DMD: variants seen among roughly 807,000 people sequenced by gnomAD.
DMD encodes mutant dystrophin.
A neutral mutation model predicts 330.1 loss-of-function variants in DMD; 63 were observed. That is an observed-to-expected ratio of 0.19 (90% confidence interval 0.16 to 0.24). The LOEUF is 0.24. Ranked by LOEUF, DMD falls within the 10% of genes least tolerant of loss-of-function variation. The pLI, the probability that DMD is intolerant of heterozygous loss-of-function variation, is 1.00. For missense variants in DMD, 3,344 were observed against 2,684.1 expected (o/e 1.25, Z -5.43); for synonymous variants, 1,223 against 959.8 (o/e 1.27, Z -5.07).
At chrX:32,423,610 T>C (rs753923461) in intron 29 of DMD, among the ~76,000 whole-genome samples, 2 of 110,791 alleles carry the variant, frequency 1.8e-5, no homozygotes, top group African/African-American at 6.5e-5. Flanking sequence ...TATATAATAT[T>C]TCGGAAAAGT....
At chrX:32,158,815 C>G (rs1445760147) in intron 44 of DMD, among the ~76,000 whole-genome samples, 1 of 112,004 alleles carries the variant, frequency 8.9e-6, no homozygotes, top group Non-Finnish European at 1.9e-5. Flanking sequence ...CTACCTACCC[C>G]TTATGCTCAC....
At position 32,405,541 on chromosome X, in the gene DMD, G is replaced by A. The variant is rs202238601; in HGVS notation, c.4233+6211C>T. On this transcript the variant is annotated intron_variant, in intron 30 of 78. Transcript: ENST00000357033. The stretch of plus-strand genomic sequence containing the variant: ...TTTCAATAAATCTTTTCTTAATTTT[G>A]TACTTTAATAAAATCTCTCATTAAA... 3.0e-4 allele frequency among the ~76,000 whole-genome samples: 33 copies of A among 110,896 alleles called. No individual in the cohort carries two copies. The Admixed American group carries it at 3.1e-3, about 10-fold the overall frequency.
intron 42 of DMD, among the ~76,000 whole-genome samples, chrX:32,295,016 CCTTAT>C (rs1303501964): frequency 2.0e-4 from 22 of 111,375 alleles, no homozygotes; most frequent in African/African-American, 6.5e-4. Context: ...CTGAATAGTT[CCTTAT>C]CTTATCTGAA....
chrX:32,827,463 T>C (rs750385208), intron 4 of DMD, among the ~76,000 whole-genome samples: 4 of 110,701 alleles, frequency 3.6e-5, no homozygotes, highest in South Asian at 3.9e-4. Flanking sequence ...CAGGAGTACA[T>C]GTGCAGGTTT....
intron 12 of DMD, among the ~76,000 whole-genome samples, chrX:32,606,761 A>C (rs1371731949): frequency 9.5e-6 from 1 of 104,974 alleles, no homozygotes; most frequent in African/African-American, 3.5e-5. Context: ...ACATACATAT[A>C]TATACACACA....
chrX:32,572,957 A>G (rs1300469804), intron 15 of DMD, among the ~76,000 whole-genome samples: 1 of 111,142 alleles, frequency 9.0e-6, no homozygotes, highest in Non-Finnish European at 1.9e-5. Context: ...TTGCAATGTG[A>G]TATACACTGG....
intron 4 of DMD, among the ~76,000 whole-genome samples, chrX:32,832,680 G>A (rs910762764): frequency 1.8e-4 from 20 of 111,757 alleles, no homozygotes; most frequent in African/African-American, 9.7e-5. Flanking sequence ...TCATTGCCCT[G>A]CAGCATGTGC....
At chrX:31,315,694 C>A (rs900808047) in intron 62 of DMD, among the ~76,000 whole-genome samples, 2 of 112,337 alleles carry the variant, frequency 1.8e-5, no homozygotes, top group African/African-American at 6.5e-5. Context: ...CCCATACACA[C>A]ATTAAATTTT....
chrX:33,202,550 G>A (rs2051337776), intron 1 of DMD, among the ~76,000 whole-genome samples: 1 of 111,856 alleles, frequency 8.9e-6, no homozygotes, highest in African/African-American at 3.2e-5. Flanking sequence ...ATCTAGAATA[G>A]TGCTATGCAC....
intron 13 of DMD, among the ~76,000 whole-genome samples, chrX:32,577,453 A>T (rs1374019814): frequency 8.9e-6 from 1 of 112,756 alleles, no homozygotes; most frequent in Admixed American, 9.4e-5. Flanking sequence ...TGTCTGTCGA[A>T]TAATAATACC....
chrX:33,027,579 C>T (rs1272050288), intron 1 of DMD, among the ~76,000 whole-genome samples: 2 of 112,475 alleles, frequency 1.8e-5, no homozygotes, highest in African/African-American at 3.2e-5. Context: ...TGTACTGACA[C>T]CTACTAGGTG....
intron 11 of DMD, among the ~76,000 whole-genome samples, chrX:32,630,670 G>A (rs774545366): frequency 4.5e-5 from 5 of 111,110 alleles, no homozygotes; most frequent in African/African-American, 1.6e-4. Flanking sequence ...ATTTTTGTTC[G>A]ATTCTTTTTA....
At chrX:32,761,505 T>C (rs1000851890) in intron 7 of DMD, among the ~76,000 whole-genome samples, 1 of 112,303 alleles carries the variant, frequency 8.9e-6, no homozygotes, top group Non-Finnish European at 1.9e-5. Flanking sequence ...TGATGATGAT[T>C]ATCTTTAAAT....
At chrX:31,626,541 G>A (rs903030385) in intron 55 of DMD, among the ~76,000 whole-genome samples, 20 of 110,945 alleles carry the variant, frequency 1.8e-4, no homozygotes, top group African/African-American at 4.9e-4. Flanking sequence ...AACTCAACAC[G>A]CATTTTGGAG....
chrX:31,181,280 TG>T (rs1171868024), intron 68 of DMD, among the ~76,000 whole-genome samples: 2 of 111,539 alleles, frequency 1.8e-5, no homozygotes, highest in East Asian at 5.6e-4. Context: ...TATGGGGAAG[TG>T]GGAAGGAAAG....
intron 55 of DMD, among the ~76,000 whole-genome samples, chrX:31,560,997 C>T (rs1473122648): frequency 6.3e-5 from 7 of 111,578 alleles, no homozygotes; most frequent in African/African-American, 2.3e-4. Context: ...CTCAGCGCCC[C>T]TAACCCTCAC....
chrX:32,773,958 G>C (rs1296329898), intron 7 of DMD, among the ~76,000 whole-genome samples: 1 of 111,028 alleles, frequency 9.0e-6, no homozygotes, highest in Admixed American at 9.6e-5. Context: ...CTGATATCTG[G>C]CCCATCCTGG....
chrX:32,538,856 G>A (rs2048235181), intron 17 of DMD, among the ~76,000 whole-genome samples: 1 of 110,751 alleles, frequency 9.0e-6, no homozygotes, highest in African/African-American at 3.3e-5. Flanking sequence ...TGGTGTATAA[G>A]TATCACCGAG....
Position 33,299,958 on chromosome X carries a change from T to C in DMD, c.7+39301A>G, listed in dbSNP as rs1290763615. ...TCTTTCTTTCTTTATGTTAAATTTC[T>C]AAACTGTATCCACTAGAGACAGCTC... On this transcript the variant is annotated intron_variant, in intron 1 of 17. Transcript: ENST00000288447. Among the ~76,000 whole-genome samples the C allele has an allele frequency of 2.7e-5, 3 of 111,931 alleles. No individual in the cohort carries two copies. In the South Asian group the frequency reaches 1.1e-3, roughly 42 times the overall value.
Sources: gnomAD v4.1 joint callset for allele counts (sites outside exome capture counted in the v4.1 genomes callset) on GRCh38, gnomAD v4.1.1 for gene constraint, MANE v1.5 for transcripts, NCBI Gene and HGNC (gene_info 2026-07-23, HGNC 2026-07-21) for gene names.